DIXDC1: variants seen among roughly 807,000 people sequenced by gnomAD.
DIXDC1 encodes the protein dixin.
In DIXDC1, 64 loss-of-function variants were observed where a neutral mutation model predicts 103.1. That is an observed-to-expected ratio of 0.62 (90% CI 0.51 to 0.76). The LOEUF (loss-of-function observed/expected upper bound fraction) is 0.76, where lower values mean the gene tolerates loss of function less well. Among genes scored for constraint, DIXDC1 ranks in the 30% least tolerant of loss-of-function variants. The pLI is 0.00. For synonymous variants in DIXDC1, 266 were observed against 298.5 expected (o/e 0.89, Z 1.12); for missense variants, 759 against 834.2 (o/e 0.91, Z 1.11).
intron 1 of DIXDC1, among the ~76,000 whole-genome samples, chr11:111,941,862 A>G (rs1484797538): frequency 6.6e-6 from 1 of 151,674 alleles, no homozygotes; most frequent in Non-Finnish European, 1.5e-5. Flanking sequence ...ACACACACAC[A>G]CACACACACA....
intron 17 of DIXDC1, among the ~76,000 whole-genome samples, chr11:112,015,732 G>A (rs1861564870): frequency 6.6e-6 from 1 of 151,160 alleles, no homozygotes; most frequent in Non-Finnish European, 1.5e-5. Flanking sequence ...AACCTGGGAG[G>A]TGGAGGTTGC....
At chr11:111,962,159 A>AG (rs1238737819) in intron 1 of DIXDC1, among the ~76,000 whole-genome samples, 1 of 152,224 alleles carries the variant, frequency 6.6e-6, no homozygotes, top group Admixed American at 6.5e-5. Flanking sequence ...AGCTTTCTGA[A>AG]AAAAGTGATA....
intron 1 of DIXDC1, among the ~76,000 whole-genome samples, chr11:111,959,061 A>G (rs1377531221): frequency 6.6e-6 from 1 of 152,150 alleles, no homozygotes; most frequent in Admixed American, 6.5e-5. Context: ...CGCTCAATAA[A>G]GCTCCTCTTC....
At chr11:111,931,656 A>G (rs587602575) in intron 2 of DIXDC1, among the ~76,000 whole-genome samples, 2 of 152,314 alleles carry the variant, frequency 1.3e-5, no homozygotes, top group East Asian at 3.9e-4. Context: ...ATAAATAAAT[A>G]AATAAATAAT....
chr11:111,958,629 C>T lies in DIXDC1; in HGVS notation c.61-5920C>T, dbSNP rs1445340932. Among the ~76,000 whole-genome samples the T allele has an allele frequency of 3.3e-5, 5 of 152,218 alleles. No individual in the cohort carries two copies. Among genetic ancestry groups the T allele is most frequent in the Non-Finnish European group, 7.3e-5 (5 of 68,032 alleles). Reference sequence around the variant, plus strand: ...CCCTTGGCACGTGGCAGGAGGCAGACAGGCTCCTGTGTGGAAAGGGGCGGG... The same window carrying T: ...CCCTTGGCACGTGGCAGGAGGCAGATAGGCTCCTGTGTGGAAAGGGGCGGG... On this transcript the variant is annotated intron_variant, in intron 1 of 19. Coordinates refer to ENST00000440460, the MANE Select transcript of DIXDC1 (RefSeq NM_001037954.4). This position sits in a 1 kb window ranked among gnomAD's most constrained non-coding sequence, Gnocchi z 4.2.
At chr11:111,960,552 C>G (rs1360672104) in intron 1 of DIXDC1, among the ~76,000 whole-genome samples, 1 of 150,134 alleles carries the variant, frequency 6.7e-6, no homozygotes, top group African/African-American at 2.5e-5. Context: ...CGAGATCATG[C>G]CACTGCACTC....
At chr11:111,964,718 C>A in intron 2 of DIXDC1, 40 bp downstream of exon 2, 1 of 1,534,660 alleles carries the variant, frequency 6.5e-7, no homozygotes, top group Non-Finnish European at 8.7e-7. Flanking sequence ...GTACATAGAT[C>A]AGAATCTGGC....
chr11:111,937,116 G>A (rs1201315361), upstream of DIXDC1: 1 of 695,824 alleles, frequency 1.4e-6, no homozygotes, highest in Non-Finnish European at 1.8e-6. Context: ...ACACACGCCC[G>A]TGCTGCGGCC....
At chr11:111,946,594 C>G (rs781922851) in intron 1 of DIXDC1, 10 of 205,674 alleles carry the variant, frequency 4.9e-5, no homozygotes, top group Non-Finnish European at 9.5e-5. Context: ...TTGCTGGCCT[C>G]AAGTGATCTG....
Position 112,018,969 on chromosome 11 carries a change from A to G in DIXDC1, c.1985A>G (p.Asp662Gly), listed in dbSNP as rs1555178101. The part of the protein sequence containing the change: ...GTVKEEIFHD[D>G]DAIPGWEGKI... ...TTTTTTCTCTAGATTTTCCATGATG[A>G]TGATGCCATCCCTGGATGGGAAGGG... Residue 662 changes from aspartate to glycine, a missense_variant, in exon 20 of 20, where the codon GAT (aspartate) becomes GGT (glycine). Asp to Gly is a moderately conservative substitution (Grantham distance 94). Coordinates refer to ENST00000440460, the MANE Select transcript of DIXDC1 (RefSeq NM_001037954.4). The G allele has an allele frequency of 3.7e-6, 6 of 1,613,062 alleles. No homozygotes were observed. Among genetic ancestry groups the G allele is most frequent in the Non-Finnish European group, 4.2e-6 (5 of 1,179,362 alleles).
intron 10 of DIXDC1, among the ~76,000 whole-genome samples, chr11:111,990,086 G>A (rs587681024): frequency 6.3e-5 from 9 of 142,726 alleles, no homozygotes; most frequent in East Asian, 6.2e-4. Context: ...CACCGCGCCC[G>A]GCCTTTTTTT....
At chr11:111,993,473 T>C in intron 12 of DIXDC1, 23 bp from the exon 13 acceptor site, 1 of 1,613,796 alleles carries the variant, frequency 6.2e-7, no homozygotes, top group Non-Finnish European at 8.5e-7. Flanking sequence ...GCCGCTCATC[T>C]TAAAGCTCTA....
At chr11:111,991,579 A>C (rs1293198936) in intron 10 of DIXDC1, among the ~76,000 whole-genome samples, 1 of 152,222 alleles carries the variant, frequency 6.6e-6, no homozygotes, top group African/African-American at 2.4e-5. Context: ...CTAGTCCATT[A>C]GTTCCATTTG....
intron 1 of DIXDC1, among the ~76,000 whole-genome samples, chr11:111,952,142 A>G (rs1197336594): frequency 3.9e-5 from 6 of 152,160 alleles, no homozygotes; most frequent in African/African-American, 1.4e-4. Flanking sequence ...CTGGGATTAT[A>G]GGCATGAGCC....
At chr11:111,961,641 A>G (rs1213453656) in intron 1 of DIXDC1, among the ~76,000 whole-genome samples, 1 of 152,242 alleles carries the variant, frequency 6.6e-6, no homozygotes, top group Non-Finnish European at 1.5e-5. Flanking sequence ...TCAGTTTTGC[A>G]TCAGAGACAA....
upstream of DIXDC1, chr11:111,937,139 G>GT: frequency 1.2e-5 from 9 of 745,910 alleles, 1 homozygote; most frequent in South Asian, 6.1e-5. Context: ...GGCGGGGGGG[G>GT]GGTGTGCGCG....
intron 12 of DIXDC1, 88 bp from the exon 13 acceptor site, chr11:111,993,403 CTACTT>C (rs1202487531): frequency 7.3e-7 from 1 of 1,375,734 alleles, no homozygotes. Flanking sequence ...TCCTGAGGCT[CTACTT>C]TACTTGAGTG....
chr11:111,952,836 A>T (rs1363888392), intron 1 of DIXDC1, among the ~76,000 whole-genome samples: 1 of 151,324 alleles, frequency 6.6e-6, no homozygotes, highest in Admixed American at 6.6e-5. Flanking sequence ...AAAAAAAAAA[A>T]TCCAAAAATT....
intron 5 of DIXDC1, among the ~76,000 whole-genome samples, chr11:111,978,854 A>G (rs1860207692): frequency 6.6e-6 from 1 of 152,208 alleles, no homozygotes; most frequent in Non-Finnish European, 1.5e-5. Flanking sequence ...TTTCTGTAAG[A>G]AGGTAAATGC....
Sources: allele counts gnomAD v4.1 joint callset (sites outside exome capture counted in the v4.1 genomes callset), GRCh38; gene constraint gnomAD v4.1.1; non-coding constraint Gnocchi (gnomAD v3.1); transcripts MANE v1.5; gene names NCBI Gene and HGNC (gene_info 2026-07-23, HGNC 2026-07-21).